PCDHGA3: variants seen among roughly 807,000 people sequenced by gnomAD.
PCDHGA3 encodes the protein protocadherin gamma subfamily A, 3.
Under a neutral mutation model 58.5 loss-of-function variants are expected in PCDHGA3, and 40 were observed. The ratio of observed to expected loss-of-function variants is 0.68; its 90% CI spans 0.53 to 0.89. PCDHGA3 has a LOEUF of 0.89. PCDHGA3 is among the 40% of genes least tolerant of loss of function. The pLI is 0.00. For synonymous variants in PCDHGA3, 530 were observed against 525.7 expected, an observed-to-expected ratio of 1.01 and a Z score of -0.11; for missense variants, 1,223 against 1,195.9, an observed-to-expected ratio of 1.02 and a Z score of -0.33.
intron 1 of PCDHGA3, chr5:141,350,650 C>T (rs374865865): frequency 1.9e-6 from 3 of 1,614,020 alleles, no homozygotes; most frequent in Non-Finnish European, 2.5e-6. Context: ...CACCACGTTT[C>T]GTTGCAAAAG....
intron 1 of PCDHGA3, among the ~76,000 whole-genome samples, chr5:141,437,426 C>T (rs531265278): frequency 6.6e-6 from 1 of 152,268 alleles, no homozygotes; most frequent in South Asian, 2.1e-4. Flanking sequence ...CTTTTTGAAG[C>T]AGCAATAGCA....
chr5:141,374,410 T>G, intron 1 of PCDHGA3: 1 of 1,614,012 alleles, frequency 6.2e-7, no homozygotes. Context: ...TTAACATCCT[T>G]GTCGAGGATA....
chr5:141,423,775 T>A, intron 1 of PCDHGA3: 1 of 1,209,960 alleles, frequency 8.3e-7, no homozygotes, highest in Non-Finnish European at 1.1e-6. Context: ...GCGGCATATA[T>A]TTAGTTCATA....
chr5:141,349,051 G>C (rs538909066), intron 1 of PCDHGA3, among the ~76,000 whole-genome samples: 3 of 151,964 alleles, frequency 2.0e-5, no homozygotes, highest in Non-Finnish European at 2.9e-5. Context: ...GGTATAAGTC[G>C]GCTGGAGCTG....
At chr5:141,351,715 C>T (rs780866428) in intron 1 of PCDHGA3, 2 of 1,613,664 alleles carry the variant, frequency 1.2e-6, no homozygotes, top group Non-Finnish European at 1.7e-6. Context: ...GAGTCTCCTA[C>T]TCTATTCTGG....
At chr5:141,392,641 C>CGAA in intron 1 of PCDHGA3, 1 of 655,502 alleles carries the variant, frequency 1.5e-6, no homozygotes, top group Non-Finnish European at 2.5e-6. Flanking sequence ...TCACACCTCA[C>CGAA]GAAGACCCGC....
At chr5:141,370,324 C>T (rs1766812702) in intron 1 of PCDHGA3, 1 of 1,378,622 alleles carries the variant, frequency 7.3e-7, no homozygotes, top group African/African-American at 1.4e-5. Flanking sequence ...TGGTCCTGCT[C>T]GGAGAACTCT....
chr5:141,477,379 A>C lies in PCDHGA3; in HGVS notation c.2425-17428A>C, dbSNP rs1293075706. The stretch of plus-strand genomic sequence containing the variant: ...CAGACCTGGATCGGGAGACTGTGCC[A>C]GAATACAACCTCAGCATCACCGCCC... On this transcript the variant is annotated intron_variant, in intron 1 of 3. Transcript: ENST00000253812. This position sits in a 1 kb window ranked among gnomAD's most constrained non-coding sequence, Gnocchi z 4.9. 2 of 1,614,184 alleles carry C rather than the reference A, an allele frequency of 1.2e-6. No homozygotes were observed. Among genetic ancestry groups the C allele is most frequent in the Non-Finnish European group, 1.7e-6 (2 of 1,180,034 alleles).
At chr5:141,393,909 A>G (rs2092874602) in intron 1 of PCDHGA3, 1 of 1,613,980 alleles carries the variant, frequency 6.2e-7, no homozygotes, top group Non-Finnish European at 8.5e-7. Flanking sequence ...CGGGACAGTA[A>G]TTGCCTTCTT....
At chr5:141,390,321 C>T (rs776100029) in intron 1 of PCDHGA3, 13 of 1,606,964 alleles carry the variant, frequency 8.1e-6, no homozygotes, top group Admixed American at 1.7e-5. Context: ...TCATTGCCTA[C>T]CCATTTCTCC....
chr5:141,372,926 G>C, intron 1 of PCDHGA3: 3 of 943,814 alleles, frequency 3.2e-6, no homozygotes, highest in Non-Finnish European at 4.6e-6. Context: ...TTGATTTTCT[G>C]GTGTAGAGTA....
chr5:141,350,658 A>C, intron 1 of PCDHGA3: 11 of 1,614,022 alleles, frequency 6.8e-6, no homozygotes, highest in African/African-American at 2.7e-5. Context: ...TTCGTTGCAA[A>C]AGGCATTGAC....
chr5:141,384,973 T>C, intron 1 of PCDHGA3: 1 of 1,613,956 alleles, frequency 6.2e-7, no homozygotes, highest in Non-Finnish European at 8.5e-7. Flanking sequence ...CCTCACGTTG[T>C]ACCTGGTGGT....
chr5:141,419,656 G>C lies in PCDHGA3; in HGVS notation c.2424+73199G>C. The C allele has an allele frequency of 1.9e-6, 3 of 1,612,648 alleles. No homozygotes were observed. The East Asian group carries it at 6.7e-5, about 36-fold the overall frequency. ...TGGTGGCCGTGGACGCGGACTCGGGGCACAATGCCTGGCTGTCCTACCACG... is the reference window on the plus strand; with the variant it reads ...TGGTGGCCGTGGACGCGGACTCGGGCCACAATGCCTGGCTGTCCTACCACG... On this transcript the variant is annotated intron_variant, in intron 1 of 3. Transcript: ENST00000253812.
intron 1 of PCDHGA3, chr5:141,388,229 C>A (rs1041340259): frequency 1.7e-5 from 27 of 1,606,864 alleles, no homozygotes; most frequent in Non-Finnish European, 2.2e-5. Context: ...ATCCACTGAA[C>A]TTTTATCACG....
chr5:141,381,852 A>T (rs1777673646), intron 1 of PCDHGA3, among the ~76,000 whole-genome samples: 2 of 41,770 alleles, frequency 4.8e-5, no homozygotes, highest in African/African-American at 1.3e-4. Flanking sequence ...TTTTTTTGGC[A>T]GAGTTTTGCT....
chr5:141,431,858 G>T lies in PCDHGA3; in HGVS notation c.2425-62949G>T, dbSNP rs1421209596. On this transcript the variant is annotated intron_variant, in intron 1 of 3. Coordinates refer to ENST00000253812, the MANE Select transcript of PCDHGA3 (RefSeq NM_018916.4). This position sits in a 1 kb window ranked among gnomAD's most constrained non-coding sequence, Gnocchi z 4.8. ...AAACTCTCCCAGAGGGACATTAATTGCCCTTTTAAATGTAAATGACCAAGA... is the reference window on the plus strand; with the variant it reads ...AAACTCTCCCAGAGGGACATTAATTTCCCTTTTAAATGTAAATGACCAAGA... 6.8e-6 allele frequency: 11 copies of T among 1,614,080 alleles called. No homozygotes were observed. The highest frequency in any genetic ancestry group is 8.5e-6 in the Non-Finnish European group (10 of 1,180,028).
chr5:141,407,977 G>A (rs943554200), intron 1 of PCDHGA3: 7 of 747,538 alleles, frequency 9.4e-6, no homozygotes, highest in African/African-American at 8.8e-5. Context: ...TGACGCCGGG[G>A]ATCCGTCAGC....
At chr5:141,444,725 T>C (rs1178418239) in intron 1 of PCDHGA3, among the ~76,000 whole-genome samples, 1 of 152,370 alleles carries the variant, frequency 6.6e-6, no homozygotes, top group East Asian at 1.9e-4. Flanking sequence ...TTGGTGCCTT[T>C]GTTGAAAGTC....
Sources: allele counts gnomAD v4.1 joint callset (sites outside exome capture counted in the v4.1 genomes callset), GRCh38; gene constraint gnomAD v4.1.1; non-coding constraint Gnocchi (gnomAD v3.1); transcripts MANE v1.5; gene names NCBI Gene and HGNC (gene_info 2026-07-23, HGNC 2026-07-21).